Variants in PPM1E observed in about 807,000 individuals in gnomAD.
PPM1E encodes the protein protein phosphatase, Mg2+/Mn2+ dependent 1E, also known as protein phosphatase 1E.
Under a neutral mutation model 65.9 loss-of-function variants are expected in PPM1E, and 20 were observed. That is an observed-to-expected ratio of 0.30 (90% CI 0.21 to 0.44). The LOEUF (loss-of-function observed/expected upper bound fraction) is 0.44, where lower values mean the gene tolerates loss of function less well. Among genes scored for constraint, PPM1E ranks in the 20% least tolerant of loss-of-function variants. The pLI, the probability that PPM1E is intolerant of heterozygous loss-of-function variation, is 1.00. For missense variants in PPM1E, 713 were observed against 953.1 expected (o/e 0.75, Z 3.32); for synonymous variants, 352 against 374.9 (o/e 0.94, Z 0.70).
chr17:58,799,818 G>C (rs1278230847), intron 1 of PPM1E, among the ~76,000 whole-genome samples: 1 of 152,192 alleles, frequency 6.6e-6, no homozygotes, highest in East Asian at 1.9e-4. Flanking sequence ...GAGCTCAAGT[G>C]ATCTGCTGGC....
chr17:58,780,571 A>G (rs998530055), intron 1 of PPM1E, among the ~76,000 whole-genome samples: 1 of 152,194 alleles, frequency 6.6e-6, no homozygotes, highest in Non-Finnish European at 1.5e-5. Flanking sequence ...GCTTGTTTAT[A>G]TCTTTAATGA....
intron 1 of PPM1E, among the ~76,000 whole-genome samples, chr17:58,792,802 G>A (rs570965193): frequency 8.4e-5 from 10 of 119,508 alleles, no homozygotes; most frequent in African/African-American, 3.5e-4. Flanking sequence ...TCACCAGGCT[G>A]GAGTGCAGTG....
At chr17:58,885,972 C>A (rs2051261498) in intron 1 of PPM1E, among the ~76,000 whole-genome samples, 1 of 152,166 alleles carries the variant, frequency 6.6e-6, no homozygotes, top group Non-Finnish European at 1.5e-5. Context: ...CTTCCAAGGT[C>A]AGAGGTTTTC....
chr17:58,969,825 C>A, intron 4 of PPM1E, 98 bp downstream of exon 4: 2 of 1,118,038 alleles, frequency 1.8e-6, no homozygotes, highest in Non-Finnish European at 2.5e-6. Flanking sequence ...TCTTTCTGGG[C>A]AGACATTATC....
chr17:58,815,393 A>C (rs2050405363), intron 1 of PPM1E, among the ~76,000 whole-genome samples: 1 of 152,236 alleles, frequency 6.6e-6, no homozygotes, highest in Non-Finnish European at 1.5e-5. Flanking sequence ...GGATTTCAGC[A>C]TAATTAGCAT....
chr17:58,775,498 G>A (rs1252330699), intron 1 of PPM1E, among the ~76,000 whole-genome samples: 1 of 152,042 alleles, frequency 6.6e-6, no homozygotes, highest in Non-Finnish European at 1.5e-5. Flanking sequence ...CAGTTACATG[G>A]CAGATATTTT....
At chr17:58,907,414 G>A (rs1455514562) in intron 1 of PPM1E, among the ~76,000 whole-genome samples, 2 of 151,858 alleles carry the variant, frequency 1.3e-5, no homozygotes, top group South Asian at 4.2e-4. Context: ...CCAGAATGTG[G>A]TCTATCTGGA....
intron 2 of PPM1E, among the ~76,000 whole-genome samples, chr17:58,958,147 A>C (rs894265094): frequency 1.3e-5 from 2 of 152,136 alleles, no homozygotes; most frequent in African/African-American, 2.4e-5. Flanking sequence ...TGACAACAAC[A>C]ACCCAAAAAA....
chr17:58,900,477 G>C (rs1254046570), intron 1 of PPM1E, among the ~76,000 whole-genome samples: 1 of 152,152 alleles, frequency 6.6e-6, no homozygotes, highest in Non-Finnish European at 1.5e-5. Context: ...TAGCCATAAA[G>C]TATTTTTAAA....
intron 1 of PPM1E, among the ~76,000 whole-genome samples, chr17:58,802,882 T>TA (rs889489063): frequency 2.0e-5 from 3 of 152,180 alleles, no homozygotes; most frequent in Non-Finnish European, 4.4e-5. Context: ...TGTTTTTTTT[T>TA]ATCCTACAAA....
chr17:58,822,392 A>G (rs2050490480), intron 1 of PPM1E, among the ~76,000 whole-genome samples: 1 of 150,724 alleles, frequency 6.6e-6, no homozygotes, highest in Non-Finnish European at 1.5e-5. Context: ...ACGAGTCCCA[A>G]GTATCTTTCT....
intron 1 of PPM1E, among the ~76,000 whole-genome samples, chr17:58,856,689 A>G (rs1459714075): frequency 6.6e-6 from 1 of 152,238 alleles, no homozygotes; most frequent in African/African-American, 2.4e-5. Context: ...AGATTAGGGC[A>G]CAAATAGAGA....
intron 6 of PPM1E, 44 bp downstream of exon 6, chr17:58,972,969 G>A: frequency 1.4e-6 from 2 of 1,397,820 alleles, no homozygotes; most frequent in Non-Finnish European, 2.0e-6. Context: ...TCCTCTTCTA[G>A]CTCATTCTCC....
intron 1 of PPM1E, among the ~76,000 whole-genome samples, chr17:58,774,483 C>T (rs1487601817): frequency 6.6e-6 from 1 of 152,022 alleles, no homozygotes; most frequent in Non-Finnish European, 1.5e-5. Context: ...TGAAATAAAG[C>T]ACCATGGTTT....
At chr17:58,882,794 A>G (rs558022081) in intron 1 of PPM1E, among the ~76,000 whole-genome samples, 55 of 152,250 alleles carry the variant, frequency 3.6e-4, no homozygotes, top group African/African-American at 1.3e-3. Context: ...TTATTTAACC[A>G]TACTGAACTG....
At chr17:58,774,187 G>A (rs1378745638) in intron 1 of PPM1E, among the ~76,000 whole-genome samples, 3 of 151,424 alleles carry the variant, frequency 2.0e-5, no homozygotes, top group Non-Finnish European at 4.4e-5. Context: ...AACATTATAG[G>A]TAATTATGGT....
chr17:58,778,927 CATATATATATATATATATATATAT>C (rs59563297), intron 1 of PPM1E, among the ~76,000 whole-genome samples: 44 of 103,708 alleles, frequency 4.2e-4, no homozygotes, highest in Middle Eastern at 7.5e-3. Context: ...ATGATACATA[CATATATATATATATATATATATAT>C]ATATATATAT....
chr17:58,901,804 G>C (rs1025158831), intron 1 of PPM1E, among the ~76,000 whole-genome samples: 1 of 151,800 alleles, frequency 6.6e-6, no homozygotes, highest in Non-Finnish European at 1.5e-5. Context: ...TAGAGATACC[G>C]TGTCTCTACT....
In PPM1E at chr17:58,756,304, G is replaced by GCGA. The variant is rs2049762978; in HGVS notation, c.310_312dup (p.Thr104dup). On this transcript the variant is annotated inframe_insertion, in exon 1 of 7. Coordinates refer to ENST00000308249, the MANE Select transcript of PPM1E (RefSeq NM_014906.5). ...GGGTGAGGAGGAGGAGGAGGGCGCG[G>GCGA]CGACGGCGGCGGCAGCCCCGGGGCA... 1 of 1,512,186 alleles carries GCGA rather than the reference G, an allele frequency of 6.6e-7. No homozygotes were observed. Among genetic ancestry groups the GCGA allele is most frequent in the Non-Finnish European group, 8.8e-7 (1 of 1,130,974 alleles). 93.7% of individuals were successfully genotyped at this position (1,512,186 alleles called of 1,614,324 possible). A position where few individuals can be genotyped will look rare whatever the true frequency, so the allele number is the denominator to read the frequency against.
Sources: gnomAD v4.1 joint callset for allele counts (sites outside exome capture counted in the v4.1 genomes callset) on GRCh38, gnomAD v4.1.1 for gene constraint, MANE v1.5 for transcripts, NCBI Gene and HGNC (gene_info 2026-07-23, HGNC 2026-07-21) for gene names.